Variants in PCSK5 observed in about 807,000 individuals in gnomAD.
PCSK5 encodes the protein proprotein convertase subtilisin/kexin type 5.
PCSK5 carries 129 observed loss-of-function variants against 233.2 expected under a neutral mutation model. The observed-to-expected ratio is 0.55, with a 90% CI of 0.48 to 0.64. PCSK5 has a LOEUF of 0.64. Ranked by LOEUF, PCSK5 falls within the 30% of genes least tolerant of loss-of-function variation. The pLI is 0.00. For synonymous variants in PCSK5, 825 were observed against 879.2 expected (o/e 0.94, Z 1.09); for missense variants, 2,076 against 2,430.1 (o/e 0.85, Z 3.06).
intron 1 of PCSK5, among the ~76,000 whole-genome samples, chr9:75,892,098 G>T (rs954178038): frequency 6.6e-6 from 1 of 152,172 alleles, no homozygotes; most frequent in Non-Finnish European, 1.5e-5. Context: ...CCGGGAAAAC[G>T]AGGAGTCTTA....
intron 5 of PCSK5, among the ~76,000 whole-genome samples, chr9:76,035,562 A>G (rs1828825225): frequency 6.6e-6 from 1 of 152,144 alleles, no homozygotes; most frequent in Non-Finnish European, 1.5e-5. Flanking sequence ...AACTTGGTGT[A>G]TTATTGACAT....
rs144761954 is a variant in PCSK5 at position 76,154,730 on chromosome 9, T to G, written c.1313-2315T>G. On this transcript the variant is annotated intron_variant, in intron 10 of 37. Coordinates refer to ENST00000674117, the MANE Select transcript of PCSK5 (RefSeq NM_001372043.1). ...AACATCTTTGGTAAAAATTTCAATTTCCCCAGGGTAGGGGAAAAATACCAT... is the reference window on the plus strand; with the variant it reads ...AACATCTTTGGTAAAAATTTCAATTGCCCCAGGGTAGGGGAAAAATACCAT... 3.9e-5 allele frequency among the ~76,000 whole-genome samples: 6 copies of G among 152,274 alleles called. No individual in the cohort carries two copies. In the East Asian group the frequency reaches 1.2e-3, roughly 29 times the overall value.
At chr9:76,161,220 G>A (rs1249571058) in intron 12 of PCSK5, among the ~76,000 whole-genome samples, 5 of 152,174 alleles carry the variant, frequency 3.3e-5, no homozygotes, top group African/African-American at 7.2e-5. Context: ...AGTGTATGCA[G>A]GTGCAAGGAA....
At chr9:76,042,819 A>G (rs1418193288) in intron 5 of PCSK5, among the ~76,000 whole-genome samples, 1 of 152,200 alleles carries the variant, frequency 6.6e-6, no homozygotes, top group Non-Finnish European at 1.5e-5. Flanking sequence ...GCACAATCAC[A>G]TAGTGATGTT....
At chr9:76,222,720 T>G (rs1300993319) in intron 20 of PCSK5, among the ~76,000 whole-genome samples, 1 of 152,226 alleles carries the variant, frequency 6.6e-6, no homozygotes, top group Admixed American at 6.5e-5. Flanking sequence ...TTAAAGATGT[T>G]GCAGTCTCAG....
rs140214933 is a variant in PCSK5 at position 76,174,033 on chromosome 9, C to G, written c.1757-953C>G. On this transcript the variant is annotated intron_variant, in intron 13 of 37. Transcript: ENST00000674117. ...AGAACATTCTGCAATGATGGAAATG[C>G]TGTCCAGTAGGATGGCCACTAGCCA... 2.9e-4 allele frequency among the ~76,000 whole-genome samples: 44 copies of G among 152,214 alleles called. 1 individual carries two copies. The East Asian group carries it at 8.3e-3, about 29-fold the overall frequency.
At chr9:76,230,604 G>A (rs2131314825) in intron 21 of PCSK5, among the ~76,000 whole-genome samples, 1 of 152,332 alleles carries the variant, frequency 6.6e-6, no homozygotes, top group Non-Finnish European at 1.5e-5. Flanking sequence ...CAGCAGGTGA[G>A]CAGCAAGTGA....
chr9:76,125,552 GAAGAA>G (rs543725848), intron 9 of PCSK5, among the ~76,000 whole-genome samples: 43 of 152,338 alleles, frequency 2.8e-4, no homozygotes, highest in Non-Finnish European at 4.7e-4. Flanking sequence ...GGACTGTCAT[GAAGAA>G]TAGATGAAAT....
In PCSK5 at chr9:76,162,362, C is replaced by T. The variant is rs535565091; in HGVS notation, c.1619+3191C>T. Among the ~76,000 whole-genome samples, 98 of 152,322 alleles carry T rather than the reference C, an allele frequency of 6.4e-4. 1 individual carries two copies. Among genetic ancestry groups the T allele is most frequent in the South Asian group, 2.5e-3 (12 of 4,828 alleles). ...ACTTCTCCTCAAAACCTCTCAGTCT[C>T]TGACCTAGTGGCAAGGAGGCCTCAT... On this transcript the variant is annotated intron_variant, in intron 12 of 37. Transcript: ENST00000674117.
intron 8 of PCSK5, among the ~76,000 whole-genome samples, chr9:76,096,415 C>G (rs1831515477): frequency 6.6e-6 from 1 of 152,140 alleles, no homozygotes. Context: ...AGACTGGAAT[C>G]TACGCCTGAC....
At chr9:76,077,545 A>G (rs932453120) in intron 7 of PCSK5, among the ~76,000 whole-genome samples, 1 of 151,946 alleles carries the variant, frequency 6.6e-6, no homozygotes, top group African/African-American at 2.4e-5. Context: ...TTTTCAACCC[A>G]TCCACCCCTT....
intron 3 of PCSK5, among the ~76,000 whole-genome samples, chr9:76,006,179 T>A (rs1791120361): frequency 6.6e-6 from 1 of 152,152 alleles, no homozygotes; most frequent in Non-Finnish European, 1.5e-5. Flanking sequence ...TCTTAGGCAT[T>A]TGAATTACTC....
At chr9:76,113,477 A>G (rs550500121) in intron 9 of PCSK5, among the ~76,000 whole-genome samples, 1 of 152,320 alleles carries the variant, frequency 6.6e-6, no homozygotes, top group African/African-American at 2.4e-5. Context: ...ACCTTTCATT[A>G]TAATCTCTCT....
intron 24 of PCSK5, among the ~76,000 whole-genome samples, chr9:76,285,247 A>G (rs1431297334): frequency 1.3e-5 from 2 of 152,204 alleles, no homozygotes; most frequent in South Asian, 2.1e-4. Flanking sequence ...ATAGATGAGT[A>G]GACCAGAGAA....
chr9:75,900,702 CTTTTT>C (rs74398159), intron 1 of PCSK5, among the ~76,000 whole-genome samples: 1 of 134,194 alleles, frequency 7.5e-6, no homozygotes. Flanking sequence ...AAACAAACAA[CTTTTT>C]TTTTTTTTTT....
chr9:76,060,527 T>C (rs1281660649), intron 5 of PCSK5, among the ~76,000 whole-genome samples: 1 of 152,104 alleles, frequency 6.6e-6, no homozygotes, highest in East Asian at 1.9e-4. Context: ...AAAATCCATA[T>C]ATAAGTGGAC....
chr9:76,165,229 A>C (rs1276067900), intron 12 of PCSK5, among the ~76,000 whole-genome samples: 1 of 152,186 alleles, frequency 6.6e-6, no homozygotes. Context: ...GAAAAGAGAA[A>C]ATTTCCAGGA....
At chr9:76,272,845 T>G (rs1452728269) in intron 24 of PCSK5, among the ~76,000 whole-genome samples, 5 of 150,982 alleles carry the variant, frequency 3.3e-5, no homozygotes. Context: ...TCATTATCAT[T>G]GATCTTCAGC....
At chr9:76,018,464 C>T (rs1828045420) in intron 3 of PCSK5, among the ~76,000 whole-genome samples, 1 of 151,592 alleles carries the variant, frequency 6.6e-6, no homozygotes, top group South Asian at 2.1e-4. Context: ...CCTTTAGATT[C>T]TCAGAGGAGC....
Sources: allele counts gnomAD v4.1 joint callset (sites outside exome capture counted in the v4.1 genomes callset), GRCh38; gene constraint gnomAD v4.1.1; transcripts MANE v1.5; gene names NCBI Gene and HGNC (gene_info 2026-07-23, HGNC 2026-07-21).